CWC27: variants seen among roughly 807,000 people sequenced by gnomAD.
CWC27 encodes CWC27 spliceosome associated cyclophilin.
Under a neutral mutation model 63.6 loss-of-function variants are expected in CWC27, and 47 were observed. The ratio of observed to expected loss-of-function variants is 0.74; its 90% confidence interval spans 0.58 to 0.94. The LOEUF (loss-of-function observed/expected upper bound fraction) is 0.94. Ranked by LOEUF, CWC27 falls within the 40% of genes least tolerant of loss-of-function variation. CWC27 has a pLI of 0.00. For synonymous variants in CWC27, 175 were observed against 179.8 expected (o/e 0.97, Z 0.22); for missense variants, 495 against 554.3 (o/e 0.89, Z 1.07).
chr5:64,884,237 G>A (rs1185536586), intron 10 of CWC27: 1 of 152,032 alleles, frequency 6.6e-6, no homozygotes, highest in African/African-American at 2.4e-5. Flanking sequence ...CATTATTATG[G>A]GAATATGTGC....
In CWC27 at chr5:64,800,284, C is replaced by G. The variant is rs1744443476; in HGVS notation, c.706C>G (p.Leu236Val). The change falls in exon 8 of 14, where the codon CTT becomes GTT. Residue 236 changes from leucine to valine, a missense_variant. Around this residue, in one of 3 missense-constraint regions of CWC27, gnomAD observed 463 missense variants for 498.1 expected, o/e 0.93. Coordinates refer to ENST00000381070, the MANE Select transcript of CWC27 (RefSeq NM_005869.4). Reference protein sequence around the residue: ...KGKSKSSHDLLKDDPHLSSVP... With the variant: ...KGKSKSSHDLVKDDPHLSSVP... ...CAAAAGCAAAAGTAGTCATGACTTG[C>G]TTAAGGATGATCCACATCTCAGTTC... 6.2e-7 allele frequency: 1 copy of G among 1,612,614 alleles called. No individual in the cohort carries two copies. Among genetic ancestry groups the G allele is most frequent in the Non-Finnish European group, 8.5e-7 (1 of 1,179,126 alleles).
intron 11 of CWC27, among the ~76,000 whole-genome samples, chr5:64,899,199 G>A (rs556878648): frequency 8.5e-5 from 13 of 152,220 alleles, no homozygotes; most frequent in African/African-American, 1.2e-4. Context: ...CCAAATAGGC[G>A]GTAGTCCATT....
intron 11 of CWC27, among the ~76,000 whole-genome samples, chr5:64,962,103 T>G (rs1363440121): frequency 6.6e-6 from 1 of 152,230 alleles, no homozygotes; most frequent in Non-Finnish European, 1.5e-5. Flanking sequence ...CCAGTTTTAC[T>G]TCACTAAAAT....
chr5:64,774,651 C>A, intron 1 of CWC27, 40 bp from the exon 2 acceptor site: 1 of 1,238,518 alleles, frequency 8.1e-7, no homozygotes, highest in South Asian at 1.5e-5. Flanking sequence ...GATTATTAAG[C>A]AAAATAATAA....
chr5:64,853,130 G>A (rs748769926), intron 10 of CWC27, among the ~76,000 whole-genome samples: 4 of 152,138 alleles, frequency 2.6e-5, no homozygotes, highest in South Asian at 2.1e-4. Context: ...GTGACTAGGC[G>A]GCAGATTTGG....
intron 1 of CWC27, among the ~76,000 whole-genome samples, chr5:64,773,509 G>A (rs912162629): frequency 6.7e-6 from 1 of 149,100 alleles, no homozygotes; most frequent in Non-Finnish European, 1.5e-5. Context: ...TTAGGGTGGT[G>A]AAATGTGACT....
intron 13 of CWC27, among the ~76,000 whole-genome samples, chr5:65,004,909 TACACACAC>T (rs61613608): frequency 3.1e-5 from 2 of 65,072 alleles, no homozygotes; most frequent in East Asian, 6.5e-4. Context: ...TATATATACA[TACACACAC>T]ACACACACAC....
chr5:64,964,677 C>G (rs1005006849), intron 11 of CWC27, among the ~76,000 whole-genome samples: 7 of 152,050 alleles, frequency 4.6e-5, no homozygotes, highest in African/African-American at 1.7e-4. Context: ...AAAATTAGCC[C>G]AAGCTAAAAT....
chr5:65,007,595 T>G (rs1393337641), intron 13 of CWC27, among the ~76,000 whole-genome samples: 1 of 151,394 alleles, frequency 6.6e-6, no homozygotes, highest in African/African-American at 2.4e-5. Flanking sequence ...CTTTCTTCTG[T>G]GCTCATGTGC....
chr5:64,984,461 G>C (rs769510266), intron 13 of CWC27, among the ~76,000 whole-genome samples: 1 of 152,104 alleles, frequency 6.6e-6, no homozygotes, highest in Non-Finnish European at 1.5e-5. Context: ...GCAGGTGGGA[G>C]GATAACAGGT....
intron 11 of CWC27, among the ~76,000 whole-genome samples, chr5:64,918,138 C>CA (rs34621539): frequency 5.3e-5 from 8 of 152,110 alleles, no homozygotes; most frequent in South Asian, 2.1e-4. Flanking sequence ...AGACACCCCC[C>CA]AAAAATATAT....
chr5:64,994,918 T>C (rs1749604134), intron 13 of CWC27, among the ~76,000 whole-genome samples: 1 of 152,252 alleles, frequency 6.6e-6, no homozygotes, highest in Admixed American at 6.5e-5. Context: ...TTCAGTGTGC[T>C]AACTGGCCAT....
intron 10 of CWC27, among the ~76,000 whole-genome samples, chr5:64,843,818 A>C (rs1265398602): frequency 6.6e-6 from 1 of 152,122 alleles, no homozygotes; most frequent in African/African-American, 2.4e-5. Context: ...AAATACCTAC[A>C]TGATTTTTTA....
At chr5:64,787,643 G>C (rs923527849) in intron 6 of CWC27, among the ~76,000 whole-genome samples, 2 of 151,762 alleles carry the variant, frequency 1.3e-5, no homozygotes, top group Non-Finnish European at 2.9e-5. Context: ...CAAAAAATAG[G>C]AATGAAAAAA....
chr5:64,937,924 T>TC (rs1748390569), intron 11 of CWC27, among the ~76,000 whole-genome samples: 1 of 145,386 alleles, frequency 6.9e-6, no homozygotes, highest in Admixed American at 6.7e-5. Context: ...ATCTCTGCTT[T>TC]TTTTTTTTTT....
chr5:64,930,740 G>A (rs191821156), intron 11 of CWC27, among the ~76,000 whole-genome samples: 26 of 152,192 alleles, frequency 1.7e-4, no homozygotes, highest in Admixed American at 4.6e-4. Context: ...TAGAGAAACC[G>A]TAAAACACCT....
At chr5:64,820,543 G>C (rs537072657) in intron 10 of CWC27, among the ~76,000 whole-genome samples, 48 of 151,182 alleles carry the variant, frequency 3.2e-4, no homozygotes, top group Admixed American at 2.2e-3. Context: ...AAATCTTAAA[G>C]AAGGAAAAAA....
intron 11 of CWC27, among the ~76,000 whole-genome samples, chr5:64,931,635 A>G (rs1021332734): frequency 2.6e-5 from 4 of 151,754 alleles, no homozygotes; most frequent in Admixed American, 6.6e-5. Context: ...TTCCAATTTT[A>G]TTTCTCCCCC....
chr5:64,787,554 AAAT>A (rs1743931061), intron 6 of CWC27, among the ~76,000 whole-genome samples: 1 of 151,668 alleles, frequency 6.6e-6, no homozygotes. Flanking sequence ...TTGCTATTAA[AAAT>A]AATATTATTA....
Sources: allele counts gnomAD v4.1 joint callset (sites outside exome capture counted in the v4.1 genomes callset), GRCh38; gene constraint gnomAD v4.1.1; regional missense constraint gnomAD v4.1.1; transcripts MANE v1.5; gene names NCBI Gene and HGNC (gene_info 2026-07-23, HGNC 2026-07-21).